Variants in AGBL4 observed in about 807,000 individuals in gnomAD.
AGBL4 encodes the protein cytosolic carboxypeptidase 6.
Under a neutral mutation model 66.4 loss-of-function variants are expected in AGBL4, and 58 were observed. The observed-to-expected ratio is 0.87, with a 90% CI of 0.71 to 1.09. The LOEUF (loss-of-function observed/expected upper bound fraction) is 1.09. AGBL4 is among the 50% of genes least tolerant of loss of function. The pLI is 0.00. For synonymous variants in AGBL4, 234 were observed against 222.9 expected (o/e 1.05, Z -0.44); for missense variants, 579 against 631.0 (o/e 0.92, Z 0.88).
At chr1:49,952,539 T>C (rs1369682500) in intron 1 of AGBL4, among the ~76,000 whole-genome samples, 1 of 151,958 alleles carries the variant, frequency 6.6e-6, no homozygotes, top group Non-Finnish European at 1.5e-5. Context: ...TCATCCCCAC[T>C]TTAAAAATTA....
At chr1:48,664,934 G>T (rs1235410010) in intron 6 of AGBL4, among the ~76,000 whole-genome samples, 2 of 152,180 alleles carry the variant, frequency 1.3e-5, no homozygotes, top group African/African-American at 4.8e-5. Context: ...TGATCTGGAG[G>T]GAGAGAATAG....
At chr1:49,303,451 T>TTTTATATATTTATTTA (rs1553180398) in intron 3 of AGBL4, among the ~76,000 whole-genome samples, 8 of 147,240 alleles carry the variant, frequency 5.4e-5, no homozygotes, top group Non-Finnish European at 1.2e-4. Context: ...CATAAATGTC[T>TTTTATATATTTATTTA]TTTATTTATT....
intron 8 of AGBL4, among the ~76,000 whole-genome samples, chr1:48,638,908 G>C (rs932520919): frequency 6.6e-5 from 10 of 152,166 alleles, no homozygotes; most frequent in South Asian, 2.1e-4. Context: ...CAATTTTCTA[G>C]TGGGAGTGTT....
At chr1:49,697,159 A>T in intron 3 of AGBL4, 154 bp downstream of exon 3, 1 of 760,078 alleles carries the variant, frequency 1.3e-6, no homozygotes, top group Non-Finnish European at 2.0e-6. Flanking sequence ...TATTGTATCT[A>T]TTTCTCTGCA....
At chr1:49,642,038 T>A (rs1645791147) in intron 3 of AGBL4, among the ~76,000 whole-genome samples, 4 of 133,052 alleles carry the variant, frequency 3.0e-5, no homozygotes. Context: ...GGTAAATTAT[T>A]AAGAATTTTA....
intron 4 of AGBL4, among the ~76,000 whole-genome samples, chr1:49,117,444 C>A (rs1219398227): frequency 6.6e-6 from 1 of 152,118 alleles, no homozygotes; most frequent in East Asian, 1.9e-4. Flanking sequence ...ATATGGCTAG[C>A]CAGTTTTCCC....
At chr1:49,517,558 C>G (rs1649932118) in intron 3 of AGBL4, among the ~76,000 whole-genome samples, 1 of 151,882 alleles carries the variant, frequency 6.6e-6, no homozygotes, top group Non-Finnish European at 1.5e-5. Flanking sequence ...ATTTGTAACA[C>G]TCATACTATA....
intron 8 of AGBL4, among the ~76,000 whole-genome samples, 182 bp downstream of exon 8, chr1:48,653,155 G>T (rs762885148): frequency 2.0e-5 from 3 of 152,178 alleles, no homozygotes; most frequent in Non-Finnish European, 2.9e-5. Context: ...ACCTTAGGTG[G>T]CTGTGCATGA....
intron 3 of AGBL4, among the ~76,000 whole-genome samples, chr1:49,537,567 T>C (rs908897800): frequency 3.3e-5 from 5 of 152,140 alleles, no homozygotes; most frequent in African/African-American, 7.2e-5. Flanking sequence ...ACATCACTAA[T>C]CATCAGAGAA....
At chr1:49,203,302 C>T (rs1390850764) in intron 4 of AGBL4, among the ~76,000 whole-genome samples, 1 of 151,848 alleles carries the variant, frequency 6.6e-6, no homozygotes, top group African/African-American at 2.4e-5. Context: ...AATAGGATCT[C>T]AAAGAAATAT....
intron 3 of AGBL4, among the ~76,000 whole-genome samples, chr1:49,265,524 T>C (rs1266208556): frequency 2.0e-5 from 3 of 152,108 alleles, no homozygotes; most frequent in Admixed American, 6.6e-5. Flanking sequence ...TTATTGGGAG[T>C]GCAGCCTGAT....
At chr1:49,661,016 AGGTGATG>A (rs1289424490) in intron 3 of AGBL4, among the ~76,000 whole-genome samples, 3 of 152,098 alleles carry the variant, frequency 2.0e-5, no homozygotes, top group African/African-American at 7.2e-5. Context: ...CTAAATACCT[AGGTGATG>A]GGTTGATAAG....
chr1:49,169,784 A>G (rs2148160003), intron 4 of AGBL4, among the ~76,000 whole-genome samples: 1 of 152,338 alleles, frequency 6.6e-6, no homozygotes, highest in South Asian at 2.1e-4. Flanking sequence ...TTTGCAGATG[A>G]GAAAACTGAG....
chr1:49,272,872 T>C (rs1270724936), intron 3 of AGBL4, among the ~76,000 whole-genome samples: 1 of 152,164 alleles, frequency 6.6e-6, no homozygotes, highest in African/African-American at 2.4e-5. Flanking sequence ...TAATAATCTA[T>C]AGTAAATAAA....
intron 5 of AGBL4, among the ~76,000 whole-genome samples, chr1:48,938,641 C>T (rs544108799): frequency 1.8e-4 from 27 of 152,294 alleles, no homozygotes; most frequent in Non-Finnish European, 4.0e-4. Flanking sequence ...TGTCTATCCC[C>T]ACAGACTTCT....
chr1:49,728,855 T>A (rs1649222660), intron 2 of AGBL4, among the ~76,000 whole-genome samples: 1 of 152,172 alleles, frequency 6.6e-6, no homozygotes, highest in South Asian at 2.1e-4. Context: ...GGCAGGCTTG[T>A]ACTCTCAAAT....
At chr1:49,518,415 G>A (rs138739889) in intron 3 of AGBL4, among the ~76,000 whole-genome samples, 2 of 152,144 alleles carry the variant, frequency 1.3e-5, no homozygotes, top group African/African-American at 4.8e-5. Context: ...CATTGTGCTA[G>A]GCACTGAAGT....
chr1:49,762,429 T>C (rs79743422), intron 2 of AGBL4, among the ~76,000 whole-genome samples: 1 of 151,540 alleles, frequency 6.6e-6, no homozygotes, highest in African/African-American at 2.4e-5. Flanking sequence ...TTTTTTTTTT[T>C]TGAGACGGAG....
chr1:49,743,014 C>CTT (rs1558213089), intron 2 of AGBL4, among the ~76,000 whole-genome samples: 1 of 152,070 alleles, frequency 6.6e-6, no homozygotes, highest in Non-Finnish European at 1.5e-5. Flanking sequence ...GTCTAAAACA[C>CTT]CAAAAGCAAT....
Sources: allele counts gnomAD v4.1 joint callset (sites outside exome capture counted in the v4.1 genomes callset), GRCh38; gene constraint gnomAD v4.1.1; transcripts MANE v1.5; gene names NCBI Gene and HGNC (gene_info 2026-07-23, HGNC 2026-07-21).